Variants in PRUNE2 observed in about 807,000 individuals in gnomAD.
PRUNE2 encodes the protein prune homolog 2 with BCH domain, also known as protein prune homolog 2.
Under a neutral mutation model 252.0 loss-of-function variants are expected in PRUNE2, and 164 were observed. The ratio of observed to expected loss-of-function variants is 0.65; its 90% CI spans 0.57 to 0.74. The LOEUF is 0.74. Ranked by LOEUF, PRUNE2 falls within the 30% of genes least tolerant of loss-of-function variation. The probability of loss-of-function intolerance (pLI) is 0.00; values close to 1 mark genes in which losing one functional copy is unlikely to be tolerated. For missense variants in PRUNE2, 3,495 were observed against 3,711.0 expected (o/e 0.94, Z 1.51); for synonymous variants, 1,292 against 1,350.2 (o/e 0.96, Z 0.94).
intron 9 of PRUNE2, among the ~76,000 whole-genome samples, chr9:76,686,100 C>T (rs561080468): frequency 6.6e-6 from 1 of 152,332 alleles, no homozygotes; most frequent in South Asian, 2.1e-4. Context: ...GCTCTGCCAA[C>T]CTCTTGGGGA....
At chr9:76,836,143 C>T (rs939794583) in intron 4 of PRUNE2, among the ~76,000 whole-genome samples, 41 of 152,002 alleles carry the variant, frequency 2.7e-4, no homozygotes, top group African/African-American at 9.7e-4. Context: ...ATACAATCCC[C>T]AATGTGATGA....
intron 3 of PRUNE2, among the ~76,000 whole-genome samples, chr9:76,847,382 C>T (rs2059725511): frequency 6.7e-6 from 1 of 150,128 alleles, no homozygotes; most frequent in South Asian, 2.1e-4. Flanking sequence ...AAAAATGACA[C>T]TAGAAAATGA....
intron 6 of PRUNE2, among the ~76,000 whole-genome samples, chr9:76,733,937 T>A (rs1040026772): frequency 6.6e-6 from 1 of 151,870 alleles, no homozygotes; most frequent in African/African-American, 2.4e-5. Context: ...TTTTTTTTTT[T>A]CTTTGAAAGA....
intron 1 of PRUNE2, among the ~76,000 whole-genome samples, chr9:76,887,613 A>C (rs2062181924): frequency 6.6e-6 from 1 of 152,194 alleles, no homozygotes; most frequent in African/African-American, 2.4e-5. Flanking sequence ...TGATGAAGAG[A>C]AAGTGGAAGT....
At chr9:76,664,343 C>T (rs1347094625) in intron 9 of PRUNE2, among the ~76,000 whole-genome samples, 1 of 152,142 alleles carries the variant, frequency 6.6e-6, no homozygotes, top group Non-Finnish European at 1.5e-5. Context: ...TGCCAACAGC[C>T]ATGTGAACGA....
At chr9:76,723,557 C>T (rs1187566619) in intron 6 of PRUNE2, among the ~76,000 whole-genome samples, 1 of 152,100 alleles carries the variant, frequency 6.6e-6, no homozygotes, top group African/African-American at 2.4e-5. Flanking sequence ...AAAGCGAAGT[C>T]CTCTCACTAA....
At chr9:76,755,955 G>A (rs1264138072) in intron 6 of PRUNE2, among the ~76,000 whole-genome samples, 4 of 152,070 alleles carry the variant, frequency 2.6e-5, no homozygotes, top group East Asian at 3.9e-4. Context: ...CACCTGCCTC[G>A]GCCTCCCAAA....
chr9:76,722,752 G>C (rs2047756666), intron 6 of PRUNE2, among the ~76,000 whole-genome samples: 1 of 152,110 alleles, frequency 6.6e-6, no homozygotes, highest in Non-Finnish European at 1.5e-5. Context: ...AGAAAATGGA[G>C]GCTTTGGAAG....
Position 76,655,857 on chromosome 9 carries a change from T to C in PRUNE2, c.8277-355A>G, listed in dbSNP as rs896628695. On this transcript the variant is annotated intron_variant, in intron 9 of 18. Transcript: ENST00000376718. The stretch of plus-strand genomic sequence containing the variant: ...AACAACAGGGTCAATATATGTGCTT[T>C]GTACACATCTCTTACTCTGTAAATT... Among the ~76,000 whole-genome samples the C allele has an allele frequency of 2.0e-5, 3 of 152,320 alleles. No individual in the cohort carries two copies. In the East Asian group the frequency reaches 5.8e-4, roughly 29 times the overall value.
At chr9:76,867,207 C>T (rs1266240588) in intron 1 of PRUNE2, among the ~76,000 whole-genome samples, 1 of 150,204 alleles carries the variant, frequency 6.7e-6, no homozygotes, top group Non-Finnish European at 1.5e-5. Flanking sequence ...CAACCCCCCG[C>T]CCCCGCCCCC....
In PRUNE2 at chr9:76,861,408, G is replaced by A. The variant is rs143403071; in HGVS notation, c.37-7200C>T. Among the ~76,000 whole-genome samples, 106 of 152,230 alleles carry A rather than the reference G, an allele frequency of 7.0e-4. 1 individual carries two copies. The highest frequency in any genetic ancestry group is 1.2e-3 in the Non-Finnish European group (80 of 68,028). ...ATGAGAAATTTAAAATCTGTTATTC[G>A]AGAAAGAGAGGAGACAGGCATCAGT... On this transcript the variant is annotated intron_variant, in intron 1 of 18. Transcript: ENST00000376718.
intron 18 of PRUNE2, chr9:76,615,223 A>C (rs750102676): frequency 2.5e-5 from 25 of 985,352 alleles, no homozygotes; most frequent in Non-Finnish European, 3.0e-5. Flanking sequence ...TTCTTAGTGA[A>C]CACAGCACAA....
intron 5 of PRUNE2, among the ~76,000 whole-genome samples, chr9:76,824,970 C>T (rs969884618): frequency 2.0e-5 from 3 of 152,186 alleles, no homozygotes; most frequent in Admixed American, 1.3e-4. Context: ...CAAGGACATG[C>T]ACATCTATGC....
chr9:76,676,951 T>C (rs1240296885), intron 9 of PRUNE2, among the ~76,000 whole-genome samples: 2 of 152,236 alleles, frequency 1.3e-5, no homozygotes, highest in Non-Finnish European at 2.9e-5. Context: ...ACTGTCCACA[T>C]GTCTATTATA....
intron 6 of PRUNE2, among the ~76,000 whole-genome samples, chr9:76,812,648 C>G (rs541757333): frequency 6.6e-6 from 1 of 152,322 alleles, no homozygotes; most frequent in South Asian, 2.1e-4. Context: ...AAATTGTACA[C>G]TAACAGCCCC....
Position 76,845,813 on chromosome 9 carries a change from A to G in PRUNE2, c.508+702T>C, listed in dbSNP as rs549239633. 1.5e-3 allele frequency among the ~76,000 whole-genome samples: 235 copies of G among 152,296 alleles called. 1 individual carries two copies. Among genetic ancestry groups the G allele is most frequent in the African/African-American group, 5.4e-3 (223 of 41,542 alleles). On this transcript the variant is annotated intron_variant, in intron 4 of 18. Coordinates refer to ENST00000376718, the MANE Select transcript of PRUNE2 (RefSeq NM_015225.3). ...AAATGCTTTATACAAAAACCAGAAC[A>G]GTGTCCTCTGTAAGTCAATAATGGA...
At position 76,741,041 on chromosome 9, in the gene PRUNE2, T is replaced by C. The variant is rs114924987; in HGVS notation, c.757-27320A>G. On this transcript the variant is annotated intron_variant, in intron 6 of 18. Transcript: ENST00000376718. ...CTTGTCAAGATTTAAGGGTGAAGAA[T>C]ACACTCACAAAAATTTTAAAATAAT... 3.3e-3 allele frequency among the ~76,000 whole-genome samples: 496 copies of C among 152,288 alleles called. 5 individuals carry two copies. Among genetic ancestry groups the C allele is most frequent in the African/African-American group, 0.012 (485 of 41,560 alleles).
At position 76,709,113 on chromosome 9, in the gene PRUNE2, T is replaced by G; in HGVS notation, c.3161A>C (p.Glu1054Ala). 3 of 1,614,008 alleles carry G rather than the reference T, an allele frequency of 1.9e-6. No individual in the cohort carries two copies. Among genetic ancestry groups the G allele is most frequent in the Non-Finnish European group, 2.5e-6 (3 of 1,179,894 alleles). The change falls in exon 8 of 19, where the codon GAA becomes GCA. Residue 1054 changes from glutamate to alanine, a missense_variant. Physicochemically the swap from Glu to Ala is moderately radical, Grantham distance 107. Transcript: ENST00000376718. ...INTTHNLDEN[E>A]LKTEHTDGKN... is the part of the protein sequence containing the mutation. ...ACCATCTGTGTGCTCTGTCTTGAGT[T>G]CATTTTCATCCAGGTTGTGAGTGGT...
chr9:76,729,566 T>C (rs1320683096), intron 6 of PRUNE2, among the ~76,000 whole-genome samples: 1 of 152,192 alleles, frequency 6.6e-6, no homozygotes, highest in East Asian at 1.9e-4. Context: ...ATTCTTCTAC[T>C]GTATATTTTT....
Sources: allele counts gnomAD v4.1 joint callset (sites outside exome capture counted in the v4.1 genomes callset), GRCh38; gene constraint gnomAD v4.1.1; transcripts MANE v1.5; gene names NCBI Gene and HGNC (gene_info 2026-07-23, HGNC 2026-07-21).